The following TMEM132D variants were observed in gnomAD, a reference collection of about 807,000 sequenced individuals.
TMEM132D encodes the protein transmembrane protein 132D.
A neutral mutation model predicts 62.3 loss-of-function variants in TMEM132D; 21 were observed. That is an observed-to-expected ratio of 0.34 (90% CI 0.24 to 0.49). The LOEUF (loss-of-function observed/expected upper bound fraction) is 0.49, where lower values mean the gene tolerates loss of function less well. Among genes scored for constraint, TMEM132D ranks in the 20% least tolerant of loss-of-function variants. The pLI, the probability that TMEM132D is intolerant of heterozygous loss-of-function variation, is 0.99. For synonymous variants in TMEM132D, 621 were observed against 575.6 expected (o/e 1.08, Z -1.13); for missense variants, 1,346 against 1,402.8 (o/e 0.96, Z 0.65).
intron 1 of TMEM132D, among the ~76,000 whole-genome samples, chr12:129,889,036 T>C (rs1391451290): frequency 6.6e-6 from 1 of 152,168 alleles, no homozygotes; most frequent in African/African-American, 2.4e-5. Context: ...GTTCTTTCTT[T>C]TTACTAAAGT....
At chr12:129,728,686 C>T (rs1162397873) in intron 1 of TMEM132D, among the ~76,000 whole-genome samples, 2 of 152,184 alleles carry the variant, frequency 1.3e-5, no homozygotes, top group African/African-American at 2.4e-5. Context: ...CTTTGTCTTA[C>T]CTTCTAATGA....
chr12:129,339,229 T>G (rs2135659690), intron 3 of TMEM132D, among the ~76,000 whole-genome samples: 1 of 147,424 alleles, frequency 6.8e-6, no homozygotes, highest in Non-Finnish European at 1.5e-5. Context: ...ATCACACCAG[T>G]GCATTCCAGC....
intron 4 of TMEM132D, among the ~76,000 whole-genome samples, chr12:129,315,110 T>A (rs1421864480): frequency 2.0e-5 from 3 of 152,156 alleles, no homozygotes; most frequent in Non-Finnish European, 4.4e-5. Flanking sequence ...TTTGACTTCC[T>A]TTTTACCAGT....
chr12:129,314,717 G>GAA (rs1204122537), intron 4 of TMEM132D, among the ~76,000 whole-genome samples: 1 of 152,062 alleles, frequency 6.6e-6, no homozygotes, highest in Admixed American at 6.5e-5. Flanking sequence ...TGGCAGTGTG[G>GAA]TCATTTTCAC....
intron 4 of TMEM132D, among the ~76,000 whole-genome samples, chr12:129,271,971 T>C (rs145027150): frequency 6.6e-6 from 1 of 152,022 alleles, no homozygotes; most frequent in Non-Finnish European, 1.5e-5. Context: ...TTCTAGATCT[T>C]TGAGGAATTG....
At chr12:129,720,024 A>G (rs924494922) in intron 1 of TMEM132D, among the ~76,000 whole-genome samples, 51 of 152,044 alleles carry the variant, frequency 3.4e-4, no homozygotes, top group African/African-American at 1.1e-3. Flanking sequence ...AATACAGTAA[A>G]CGTTCTGATA....
intron 1 of TMEM132D, among the ~76,000 whole-genome samples, chr12:129,800,485 T>G (rs1242908680): frequency 6.6e-6 from 1 of 152,078 alleles, no homozygotes; most frequent in Non-Finnish European, 1.5e-5. Context: ...CATGGAGCTA[T>G]GCAGTTATAA....
intron 3 of TMEM132D, among the ~76,000 whole-genome samples, chr12:129,346,072 C>CT (rs557375181): frequency 2.6e-5 from 4 of 151,882 alleles, no homozygotes; most frequent in Admixed American, 1.3e-4. Context: ...TGGTCCTGGG[C>CT]TTTTTTTGGT....
rs570503805 is a variant in TMEM132D at position 129,549,611 on chromosome 12, C to A, written c.969-18406G>T. Among the ~76,000 whole-genome samples, 26 of 152,284 alleles carry A rather than the reference C, an allele frequency of 1.7e-4. No individual in the cohort carries two copies. The South Asian group carries it at 5.2e-3, about 30-fold the overall frequency. On this transcript the variant is annotated intron_variant, in intron 2 of 8. Transcript: ENST00000422113. ...ATGTGGAACTGTGAGTCCATTAAACCTCTTTTTCTTTATAAATTACCCAGT... is the reference window on the plus strand; with the variant it reads ...ATGTGGAACTGTGAGTCCATTAAACATCTTTTTCTTTATAAATTACCCAGT...
chr12:129,611,504 G>A (rs577091265), intron 2 of TMEM132D, among the ~76,000 whole-genome samples: 1 of 152,296 alleles, frequency 6.6e-6, no homozygotes, highest in South Asian at 2.1e-4. Context: ...GAAGCTTGGG[G>A]GCCCAAGGCA....
At chr12:129,702,786 C>CA (rs1384501899) in intron 1 of TMEM132D, among the ~76,000 whole-genome samples, 1 of 152,190 alleles carries the variant, frequency 6.6e-6, no homozygotes, top group African/African-American at 2.4e-5. Flanking sequence ...GTCAGGTACT[C>CA]AATAAATATT....
intron 1 of TMEM132D, among the ~76,000 whole-genome samples, chr12:129,796,490 C>T (rs1437899409): frequency 6.6e-6 from 1 of 152,114 alleles, no homozygotes; most frequent in Non-Finnish European, 1.5e-5. Flanking sequence ...CATAGGCAAA[C>T]TCCTGTCACA....
intron 1 of TMEM132D, among the ~76,000 whole-genome samples, chr12:129,874,700 C>CTTTTTTTT (rs71085583): frequency 7.6e-5 from 9 of 117,906 alleles, no homozygotes; most frequent in Non-Finnish European, 1.0e-4. Context: ...TCACATTTTT[C>CTTTTTTTT]TTTTTTTTTT....
At chr12:129,705,243 G>A (rs532098297) in intron 1 of TMEM132D, among the ~76,000 whole-genome samples, 4 of 152,076 alleles carry the variant, frequency 2.6e-5, no homozygotes, top group African/African-American at 9.7e-5. Flanking sequence ...AAAAAGAAAC[G>A]AAAACATTCC....
At chr12:129,576,923 C>T (rs896537216) in intron 2 of TMEM132D, among the ~76,000 whole-genome samples, 8 of 151,828 alleles carry the variant, frequency 5.3e-5, no homozygotes, top group African/African-American at 7.3e-5. Context: ...ACGTTTGTGT[C>T]GTTTGTTTAC....
chr12:129,102,484 GCACA>G (rs35085030), intron 5 of TMEM132D, among the ~76,000 whole-genome samples: 10 of 149,296 alleles, frequency 6.7e-5, no homozygotes, highest in Non-Finnish European at 1.3e-4. Flanking sequence ...CTCACACAAT[GCACA>G]CACACACACT....
chr12:129,737,725 G>A (rs1176682850), intron 1 of TMEM132D, among the ~76,000 whole-genome samples: 1 of 152,200 alleles, frequency 6.6e-6, no homozygotes, highest in Non-Finnish European at 1.5e-5. Flanking sequence ...ACCTAGAAAT[G>A]TCTGCTATAA....
At chr12:129,366,817 C>A (rs969479807) in intron 3 of TMEM132D, among the ~76,000 whole-genome samples, 12 of 151,998 alleles carry the variant, frequency 7.9e-5, no homozygotes, top group Admixed American at 7.2e-4. Flanking sequence ...AACAAATGAA[C>A]CTCTTTCTCG....
intron 5 of TMEM132D, chr12:129,085,285 A>T (rs568509473): frequency 2.0e-5 from 3 of 153,440 alleles, no homozygotes; most frequent in Non-Finnish European, 4.4e-5. Context: ...TCAACAGGGC[A>T]TGTGCAGACC....
Sources: allele counts gnomAD v4.1 joint callset (sites outside exome capture counted in the v4.1 genomes callset), GRCh38; gene constraint gnomAD v4.1.1; transcripts MANE v1.5; gene names NCBI Gene and HGNC (gene_info 2026-07-23, HGNC 2026-07-21).